Variants in SUPT3H observed in about 807,000 individuals in gnomAD.
The protein encoded by SUPT3H is transcription initiation protein SPT3 homolog.
Under a neutral mutation model 44.3 loss-of-function variants are expected in SUPT3H, and 44 were observed. That is an observed-to-expected ratio of 0.99 (90% confidence interval 0.78 to 1.28). The LOEUF is 1.28. Among genes scored for constraint, SUPT3H ranks in the 50% most tolerant of loss-of-function variants. The probability of loss-of-function intolerance (pLI) is 0.00; values close to 1 mark genes in which losing one functional copy is unlikely to be tolerated. For synonymous variants in SUPT3H, 124 were observed against 125.6 expected (o/e 0.99, Z 0.09); for missense variants, 380 against 387.1 (o/e 0.98, Z 0.15).
intron 2 of SUPT3H, among the ~76,000 whole-genome samples, chr6:45,296,095 G>A (rs1273973618): frequency 6.0e-5 from 9 of 151,080 alleles, no homozygotes. Context: ...ATCAACGAAT[G>A]GATAAGGAAA....
chr6:45,295,012 T>A (rs932729723), intron 2 of SUPT3H, among the ~76,000 whole-genome samples: 27 of 152,200 alleles, frequency 1.8e-4, no homozygotes, highest in African/African-American at 6.5e-4. Flanking sequence ...AAAATTCATA[T>A]GGAAGCAAAA....
chr6:45,361,168 TTTA>T (rs1794188990), intron 2 of SUPT3H, among the ~76,000 whole-genome samples: 1 of 152,180 alleles, frequency 6.6e-6, no homozygotes, highest in Admixed American at 6.5e-5. Context: ...TAAAATGTAT[TTTA>T]TTATATATAA....
rs1214314448 is a variant in SUPT3H at position 45,188,625 on chromosome 6, C to CA, written c.102-82620dup. ...TTCCAGGCATGCAAGCCTGTTACAACATTTGTAAATCAATCAATGTAATCC... is the reference window on the plus strand; with the variant it reads ...TTCCAGGCATGCAAGCCTGTTACAACAATTTGTAAATCAATCAATGTAATCC... On this transcript the variant is annotated intron_variant, in intron 2 of 10. Transcript: ENST00000371459. Among the ~76,000 whole-genome samples, 5 of 152,204 alleles carry CA rather than the reference C, an allele frequency of 3.3e-5. No individual in the cohort carries two copies. In the East Asian group the frequency reaches 9.6e-4, roughly 29 times the overall value.
intron 2 of SUPT3H, among the ~76,000 whole-genome samples, chr6:45,189,342 T>C (rs1443218998): frequency 6.6e-6 from 1 of 152,184 alleles, no homozygotes; most frequent in Non-Finnish European, 1.5e-5. Flanking sequence ...ACCTTTAAGA[T>C]AGTCTCTAAA....
chr6:45,175,094 GTTAT>G (rs1811496931), intron 2 of SUPT3H, among the ~76,000 whole-genome samples: 1 of 145,870 alleles, frequency 6.9e-6, no homozygotes, highest in Non-Finnish European at 1.5e-5. Flanking sequence ...ATACTAGATT[GTTAT>G]TTACTTACAT....
intron 3 of SUPT3H, among the ~76,000 whole-genome samples, chr6:45,067,155 G>T (rs1349217508): frequency 7.1e-6 from 1 of 140,546 alleles, no homozygotes; most frequent in East Asian, 2.1e-4. Context: ...CAGAAATAAC[G>T]CCGCATATCT....
chr6:45,281,678 A>G (rs1389688202), intron 2 of SUPT3H, among the ~76,000 whole-genome samples: 1 of 152,168 alleles, frequency 6.6e-6, no homozygotes, highest in African/African-American at 2.4e-5. Context: ...GGGCATAGCC[A>G]AACAATAGGC....
At chr6:44,936,086 G>C (rs1196565599) in intron 9 of SUPT3H, among the ~76,000 whole-genome samples, 1 of 149,410 alleles carries the variant, frequency 6.7e-6, no homozygotes, top group South Asian at 2.1e-4. Context: ...TAGAGCAACT[G>C]AAAGTCTAGT....
chr6:44,974,442 T>TCTCCTCTGCAAAGTA (rs1269918256), intron 6 of SUPT3H, among the ~76,000 whole-genome samples: 1 of 152,032 alleles, frequency 6.6e-6, no homozygotes, highest in Non-Finnish European at 1.5e-5. Context: ...CAATATTCTT[T>TCTCCTCTGCAAAGTA]CTCCTCTGCA....
At chr6:44,888,295 G>A (rs372780373) in intron 10 of SUPT3H, among the ~76,000 whole-genome samples, 4 of 151,906 alleles carry the variant, frequency 2.6e-5, no homozygotes, top group Non-Finnish European at 5.9e-5. Context: ...TACCAAAGCC[G>A]GGCAGAGACA....
At chr6:45,061,765 T>C (rs1792088892) in intron 3 of SUPT3H, among the ~76,000 whole-genome samples, 1 of 152,138 alleles carries the variant, frequency 6.6e-6, no homozygotes, top group African/African-American at 2.4e-5. Context: ...TAATATTTTA[T>C]GTGATACTTA....
chr6:45,137,284 CATT>C (rs1804446533), intron 2 of SUPT3H, among the ~76,000 whole-genome samples: 1 of 151,950 alleles, frequency 6.6e-6, no homozygotes, highest in Non-Finnish European at 1.5e-5. Flanking sequence ...AAGGAAATGA[CATT>C]ATGTGATAAC....
At chr6:45,363,649 T>C (rs182129853) in intron 2 of SUPT3H, among the ~76,000 whole-genome samples, 1 of 152,104 alleles carries the variant, frequency 6.6e-6, no homozygotes, top group Admixed American at 6.5e-5. Flanking sequence ...ATTCTTAATA[T>C]AAAGCCACTA....
intron 9 of SUPT3H, 47 bp downstream of exon 9, chr6:44,953,263 G>T: frequency 7.2e-7 from 1 of 1,396,300 alleles, no homozygotes; most frequent in Non-Finnish European, 1.0e-6. Context: ...TACCAGATAT[G>T]TGTCAAAATT....
intron 2 of SUPT3H, chr6:45,322,907 A>T: frequency 6.2e-7 from 1 of 1,613,072 alleles, no homozygotes; most frequent in Non-Finnish European, 8.5e-7. Context: ...GTTGTTCCAA[A>T]GACCACCATG....
chr6:45,179,195 T>C (rs1163892593), intron 2 of SUPT3H, among the ~76,000 whole-genome samples: 3 of 152,164 alleles, frequency 2.0e-5, no homozygotes, highest in African/African-American at 7.2e-5. Flanking sequence ...GTTGAATCTC[T>C]GAACAGACCA....
At chr6:45,203,953 G>A (rs769231719) in intron 2 of SUPT3H, among the ~76,000 whole-genome samples, 9 of 152,068 alleles carry the variant, frequency 5.9e-5, no homozygotes, top group South Asian at 2.1e-4. Context: ...TATTAGTTCC[G>A]TTAAGAAGGG....
intron 3 of SUPT3H, among the ~76,000 whole-genome samples, chr6:45,039,676 A>C (rs975281525): frequency 6.6e-6 from 1 of 152,034 alleles, no homozygotes; most frequent in African/African-American, 2.4e-5. Context: ...GCTACTTGGG[A>C]GGCTAAGGCA....
At chr6:45,238,508 G>T (rs1584434555) in intron 2 of SUPT3H, among the ~76,000 whole-genome samples, 1 of 152,196 alleles carries the variant, frequency 6.6e-6, no homozygotes, top group Admixed American at 6.5e-5. Context: ...ATTAACAAAG[G>T]AGGCTGAGGC....
Sources: allele counts gnomAD v4.1 joint callset (sites outside exome capture counted in the v4.1 genomes callset), GRCh38; gene constraint gnomAD v4.1.1; transcripts MANE v1.5; gene names NCBI Gene and HGNC (gene_info 2026-07-23, HGNC 2026-07-21).